MOV10L1: variants seen among roughly 807,000 people sequenced by gnomAD.
The protein encoded by MOV10L1 is RNA helicase Mov10l1.
MOV10L1 carries 110 observed loss-of-function variants against 143.8 expected under a neutral mutation model. That is an observed-to-expected ratio of 0.76 (90% CI 0.66 to 0.90). The LOEUF (loss-of-function observed/expected upper bound fraction) is 0.90, where lower values mean the gene tolerates loss of function less well. Among genes scored for constraint, MOV10L1 ranks in the 40% least tolerant of loss-of-function variants. The pLI is 0.00. For synonymous variants in MOV10L1, 593 were observed against 581.1 expected, an observed-to-expected ratio of 1.02 and a Z score of -0.29; for missense variants, 1,406 against 1,526.8, an observed-to-expected ratio of 0.92 and a Z score of 1.32.
chr22:50,138,967 G>A (rs760894774), intron 15 of MOV10L1, among the ~76,000 whole-genome samples: 1 of 151,430 alleles, frequency 6.6e-6, no homozygotes, highest in African/African-American at 2.4e-5. Context: ...CTCCCATAGT[G>A]CTGGGATTAC....
intron 13 of MOV10L1, among the ~76,000 whole-genome samples, chr22:50,130,682 C>T (rs1187681709): frequency 1.3e-5 from 2 of 151,570 alleles, no homozygotes; most frequent in South Asian, 2.1e-4. Context: ...TGGATGATGA[C>T]GTGTGAGGGT....
chr22:50,127,962 G>A lies in MOV10L1; in HGVS notation c.1819-454G>A, dbSNP rs550187897. Among the ~76,000 whole-genome samples, 33 of 152,148 alleles carry A rather than the reference G, an allele frequency of 2.2e-4. No homozygotes were observed. The South Asian group carries it at 6.6e-3, about 31-fold the overall frequency. On this transcript the variant is annotated intron_variant, in intron 12 of 26. Coordinates refer to ENST00000262794, the MANE Select transcript of MOV10L1 (RefSeq NM_018995.3). ...TCCTTTTTCTATTTTTAGTGGAGAT[G>A]GTTTCGCCCCGTTGGCCAGGCTGGT...
Position 50,161,429 on chromosome 22 carries a change from A to G in MOV10L1, c.3616A>G (p.Lys1206Glu). ...GGTGCCAGAATCCACAGGACCAGAG[A>G]AGCATCAGGAGCCCAGCTGATCTGC... Reference protein sequence around the residue: ...PVVPESTGPEKHQEPS With the variant: ...PVVPESTGPEEHQEPS Residue 1206 changes from lysine (K) to glutamate (E), a missense_variant, in exon 27 of 27, where the codon AAG (lysine) becomes GAG (glutamate). Coordinates refer to ENST00000262794, the MANE Select transcript of MOV10L1 (RefSeq NM_018995.3). 1.3e-6 allele frequency: 2 copies of G among 1,597,096 alleles called. No homozygotes were observed. The highest frequency in any genetic ancestry group is 1.7e-6 in the Non-Finnish European group (2 of 1,171,798).
intron 1 of MOV10L1, 186 bp downstream of exon 1, chr22:50,090,371 C>T (rs2062396983): frequency 6.5e-7 from 1 of 1,534,980 alleles, no homozygotes; most frequent in East Asian, 2.4e-5. Flanking sequence ...CAGCATCCCG[C>T]CGCTCTGGGC....
chr22:50,124,722 C>A (rs1168239023), intron 10 of MOV10L1, among the ~76,000 whole-genome samples: 2 of 152,168 alleles, frequency 1.3e-5, no homozygotes, highest in Non-Finnish European at 2.9e-5. Context: ...GAGTGGGTCC[C>A]CTGACCCTCT....
intron 3 of MOV10L1, among the ~76,000 whole-genome samples, chr22:50,101,133 G>A (rs989637641): frequency 1.3e-5 from 2 of 152,102 alleles, no homozygotes; most frequent in Non-Finnish European, 2.9e-5. Context: ...TTTAAGCTGG[G>A]GGGTGGGAGG....
At chr22:50,120,864 G>A (rs1569295163) in intron 10 of MOV10L1, among the ~76,000 whole-genome samples, 4 of 152,230 alleles carry the variant, frequency 2.6e-5, no homozygotes, top group Non-Finnish European at 5.9e-5. Flanking sequence ...CAGGGCCTTT[G>A]GGGTCTGGAG....
intron 2 of MOV10L1, 147 bp downstream of exon 2, chr22:50,092,332 T>A (rs977681938): frequency 1.3e-6 from 1 of 745,596 alleles, no homozygotes; most frequent in Non-Finnish European, 2.1e-6. Flanking sequence ...TCTTTATGAT[T>A]TATGTTTTAA....
chr22:50,104,528 C>T (rs2061822086), intron 3 of MOV10L1, among the ~76,000 whole-genome samples: 1 of 152,282 alleles, frequency 6.6e-6, no homozygotes, highest in South Asian at 2.1e-4. Flanking sequence ...CAAACTGGTA[C>T]ACGTTTGAGA....
intron 2 of MOV10L1, among the ~76,000 whole-genome samples, chr22:50,097,350 C>T (rs1201721094): frequency 6.6e-6 from 1 of 152,152 alleles, no homozygotes; most frequent in Non-Finnish European, 1.5e-5. Flanking sequence ...CTCAAGTGAT[C>T]CGCCCATCCC....
chr22:50,151,202 T>A (rs2063290532), intron 21 of MOV10L1, among the ~76,000 whole-genome samples: 1 of 149,500 alleles, frequency 6.7e-6, no homozygotes, highest in South Asian at 2.2e-4. Context: ...AGGCAGTGTC[T>A]CCTCAGTGGT....
chr22:50,145,886 G>A, intron 19 of MOV10L1, 76 bp downstream of exon 19: 1 of 1,587,990 alleles, frequency 6.3e-7, no homozygotes, highest in Non-Finnish European at 8.6e-7. Flanking sequence ...TTCTGTCTGA[G>A]GGGCGGATGA....
At chr22:50,140,596 T>G (rs538582250) in intron 15 of MOV10L1, among the ~76,000 whole-genome samples, 1 of 152,324 alleles carries the variant, frequency 6.6e-6, no homozygotes, top group South Asian at 2.1e-4. Context: ...TTATAGTGTT[T>G]TAAAAAGTTT....
At chr22:50,096,986 A>C (rs1280680562) in intron 2 of MOV10L1, among the ~76,000 whole-genome samples, 1 of 152,186 alleles carries the variant, frequency 6.6e-6, no homozygotes, top group Non-Finnish European at 1.5e-5. Flanking sequence ...TGGAAGTCTA[A>C]TTTGTCTCTT....
intron 3 of MOV10L1, among the ~76,000 whole-genome samples, chr22:50,106,553 C>T (rs2061872538): frequency 6.6e-6 from 1 of 151,886 alleles, no homozygotes. Context: ...GCTATTGCTT[C>T]ACTTTTCATT....
intron 5 of MOV10L1, among the ~76,000 whole-genome samples, chr22:50,109,398 G>A (rs1006069286): frequency 2.0e-5 from 3 of 152,008 alleles, no homozygotes; most frequent in Non-Finnish European, 4.4e-5. Flanking sequence ...GGCCGGGCAC[G>A]GTGGCTCACG....
At chr22:50,093,836 C>T (rs968370815) in intron 2 of MOV10L1, 2 of 152,122 alleles carry the variant, frequency 1.3e-5, no homozygotes, top group African/African-American at 2.4e-5. Context: ...AAATATTTGA[C>T]CTGCCTGGAA....
At chr22:50,126,164 G>T (rs530714103) in intron 11 of MOV10L1, 38 bp from the exon 12 acceptor site, 1 of 1,435,880 alleles carries the variant, frequency 7.0e-7, no homozygotes, top group Non-Finnish European at 9.8e-7. Context: ...TTGTGATTTT[G>T]TGTTAGCTTT....
At chr22:50,123,177 CAG>C (rs2062399694) in intron 10 of MOV10L1, among the ~76,000 whole-genome samples, 1 of 119,658 alleles carries the variant, frequency 8.4e-6, no homozygotes, top group African/African-American at 3.2e-5. Flanking sequence ...GCCTTGGTGA[CAG>C]AGGGAAACTC....
Sources: allele counts gnomAD v4.1 joint callset (sites outside exome capture counted in the v4.1 genomes callset), GRCh38; gene constraint gnomAD v4.1.1; transcripts MANE v1.5; gene names NCBI Gene and HGNC (gene_info 2026-07-23, HGNC 2026-07-21).